The following PACRG variants were observed in gnomAD, a reference collection of about 807,000 sequenced individuals.
PACRG encodes parkin coregulated gene protein.
PACRG carries 29 observed loss-of-function variants against 29.7 expected under a neutral mutation model. The observed-to-expected ratio is 0.98, with a 90% CI of 0.73 to 1.33. The LOEUF is 1.33. Among genes scored for constraint, PACRG ranks in the 40% most tolerant of loss-of-function variants. The probability of loss-of-function intolerance (pLI) is 0.00; values close to 1 mark genes in which losing one functional copy is unlikely to be tolerated. For synonymous variants in PACRG, 116 were observed against 118.7 expected, an observed-to-expected ratio of 0.98 and a Z score of 0.15; for missense variants, 279 against 316.2, an observed-to-expected ratio of 0.88 and a Z score of 0.89.
chr6:163,247,224 T>C (rs1782730963), intron 4 of PACRG, among the ~76,000 whole-genome samples: 1 of 152,120 alleles, frequency 6.6e-6, no homozygotes, highest in South Asian at 2.1e-4. Flanking sequence ...TCAATGAAAA[T>C]AAAGCATTAA....
chr6:163,191,301 G>T (rs1400340923), intron 4 of PACRG, among the ~76,000 whole-genome samples: 1 of 152,074 alleles, frequency 6.6e-6, no homozygotes, highest in African/African-American at 2.4e-5. Flanking sequence ...CCAGGCTTCA[G>T]ATGAAATTTC....
At chr6:163,177,807 G>T (rs757393422) in intron 4 of PACRG, among the ~76,000 whole-genome samples, 2 of 143,042 alleles carry the variant, frequency 1.4e-5, no homozygotes, top group African/African-American at 2.6e-5. Context: ...GCCTGTGCAG[G>T]TTCCATTCCA....
chr6:162,981,305 A>ATATATATATTTTTTTT (rs925663285), intron 2 of PACRG, among the ~76,000 whole-genome samples: 18 of 149,158 alleles, frequency 1.2e-4, no homozygotes, highest in African/African-American at 4.2e-4. Context: ...ATATATATAT[A>ATATATATATTTTTTTT]TTTACAATGG....
chr6:163,165,076 A>C (rs537122481), intron 4 of PACRG, among the ~76,000 whole-genome samples: 1 of 152,188 alleles, frequency 6.6e-6, no homozygotes, highest in Non-Finnish European at 1.5e-5. Flanking sequence ...TACTAACACC[A>C]GGTCCCTATC....
At chr6:163,206,343 A>G (rs1450794992) in intron 4 of PACRG, among the ~76,000 whole-genome samples, 1 of 152,242 alleles carries the variant, frequency 6.6e-6, no homozygotes, top group African/African-American at 2.4e-5. Context: ...TGGATAAAAA[A>G]TGTAGTACAT....
At chr6:162,834,339 C>T (rs910203042) in intron 2 of PACRG, among the ~76,000 whole-genome samples, 1 of 151,940 alleles carries the variant, frequency 6.6e-6, no homozygotes, top group Non-Finnish European at 1.5e-5. Flanking sequence ...TGTTTTTAAA[C>T]CCTGTCTAAA....
intron 1 of PACRG, among the ~76,000 whole-genome samples, chr6:162,736,712 T>C (rs1780193368): frequency 6.6e-6 from 1 of 151,826 alleles, no homozygotes; most frequent in South Asian, 2.1e-4. Flanking sequence ...ATGTTAAAAA[T>C]TATTTAGATT....
chr6:163,070,752 C>A (rs1334811120), intron 3 of PACRG, among the ~76,000 whole-genome samples: 5 of 150,254 alleles, frequency 3.3e-5, no homozygotes, highest in Admixed American at 6.6e-5. Context: ...TCAAAAGGCA[C>A]AGAGTAGCTG....
At chr6:163,098,980 C>G (rs1814846925) in intron 4 of PACRG, among the ~76,000 whole-genome samples, 1 of 152,160 alleles carries the variant, frequency 6.6e-6, no homozygotes. Flanking sequence ...GGCTTCTTTA[C>G]TGCGACCTAT....
At chr6:162,961,522 C>G (rs1800616386) in intron 2 of PACRG, among the ~76,000 whole-genome samples, 1 of 152,190 alleles carries the variant, frequency 6.6e-6, no homozygotes, top group African/African-American at 2.4e-5. Context: ...TGACCAGGCA[C>G]CTGGATTACA....
At chr6:163,162,360 G>A (rs1048950181) in intron 4 of PACRG, among the ~76,000 whole-genome samples, 3 of 152,208 alleles carry the variant, frequency 2.0e-5, no homozygotes, top group Non-Finnish European at 2.9e-5. Context: ...TTGAAATCAC[G>A]CGGGACGTTT....
intron 2 of PACRG, among the ~76,000 whole-genome samples, chr6:163,027,768 G>T (rs1807275952): frequency 6.6e-6 from 1 of 152,224 alleles, no homozygotes; most frequent in Non-Finnish European, 1.5e-5. Flanking sequence ...TGATAAAACA[G>T]AATGGGGAGG....
At chr6:163,188,104 T>C (rs1032225812) in intron 4 of PACRG, among the ~76,000 whole-genome samples, 5 of 152,198 alleles carry the variant, frequency 3.3e-5, no homozygotes, top group Non-Finnish European at 7.3e-5. Context: ...TATGAGTATC[T>C]TTTCCTACAG....
chr6:163,099,471 A>G, intron 4 of PACRG, among the ~76,000 whole-genome samples: 1 of 152,366 alleles, frequency 6.6e-6, no homozygotes, highest in East Asian at 1.9e-4. Flanking sequence ...TCTGAGCAAG[A>G]AAGCAAATAG....
rs572095353 is a variant in PACRG, at chr6:163,116,417, G to A, written c.613+27009G>A. ...CCAACACTGGGGACCACAATTCGAC[G>A]TGATATTTGGGCAGGGAAATAGGTC... On this transcript the variant is annotated intron_variant, in intron 4 of 4. Transcript: ENST00000366888. Among the ~76,000 whole-genome samples, 8 of 152,218 alleles carry A rather than the reference G, an allele frequency of 5.3e-5. No homozygotes were observed. In the East Asian group the frequency reaches 7.7e-4, roughly 15 times the overall value.
At chr6:162,921,347 T>C (rs766700712) in intron 2 of PACRG, among the ~76,000 whole-genome samples, 1 of 152,102 alleles carries the variant, frequency 6.6e-6, no homozygotes, top group Admixed American at 6.5e-5. Flanking sequence ...TTCCCTCCAA[T>C]ATCTGTGGTC....
At chr6:163,162,946 G>A (rs1251217682) in intron 4 of PACRG, among the ~76,000 whole-genome samples, 2 of 152,186 alleles carry the variant, frequency 1.3e-5, no homozygotes, top group Admixed American at 1.3e-4. Flanking sequence ...CAGGGAGGTG[G>A]AGCTGCTGTA....
At chr6:163,060,682 T>C (rs1811023665) in intron 2 of PACRG, among the ~76,000 whole-genome samples, 1 of 152,150 alleles carries the variant, frequency 6.6e-6, no homozygotes, top group African/African-American at 2.4e-5. Flanking sequence ...ATGGGAAGTC[T>C]GTGAGCAGAC....
intron 2 of PACRG, among the ~76,000 whole-genome samples, chr6:163,017,868 T>A (rs1806251546): frequency 6.6e-6 from 1 of 152,182 alleles, no homozygotes; most frequent in Admixed American, 6.5e-5. Context: ...TCACATTCAC[T>A]TTTAAAATCT....
Sources: allele counts gnomAD v4.1 joint callset (sites outside exome capture counted in the v4.1 genomes callset), GRCh38; gene constraint gnomAD v4.1.1; transcripts MANE v1.5; gene names NCBI Gene and HGNC (gene_info 2026-07-23, HGNC 2026-07-21).